The following SAMD12 variants were observed in gnomAD, a reference collection of about 807,000 sequenced individuals.
The protein encoded by SAMD12 is sterile alpha motif domain-containing protein 12.
A neutral mutation model predicts 15.0 loss-of-function variants in SAMD12; 9 were observed. The ratio of observed to expected loss-of-function variants is 0.60; its 90% CI spans 0.36 to 1.05. The LOEUF is 1.05. Ranked by LOEUF, SAMD12 falls within the 50% of genes least tolerant of loss-of-function variation. The pLI is 0.01. For synonymous variants in SAMD12, 86 were observed against 90.1 expected, an observed-to-expected ratio of 0.96 and a Z score of 0.25; for missense variants, 230 against 234.2, an observed-to-expected ratio of 0.98 and a Z score of 0.12.
intron 4 of SAMD12, among the ~76,000 whole-genome samples, chr8:118,368,814 A>T (rs1818933544): frequency 6.6e-6 from 1 of 152,198 alleles, no homozygotes; most frequent in Admixed American, 6.6e-5. Context: ...GTAAAATTAG[A>T]ACACAACTGA....
At chr8:118,383,376 AG>A (rs968423047) in intron 3 of SAMD12, among the ~76,000 whole-genome samples, 1 of 152,242 alleles carries the variant, frequency 6.6e-6, no homozygotes, top group African/African-American at 2.4e-5. Flanking sequence ...TCTGGGCACC[AG>A]GAAGCTGTTA....
chr8:118,521,435 A>G (rs892947305), intron 2 of SAMD12, among the ~76,000 whole-genome samples: 1 of 152,188 alleles, frequency 6.6e-6, no homozygotes, highest in Non-Finnish European at 1.5e-5. Flanking sequence ...AGGAGGGTAC[A>G]TTTGAAATCA....
chr8:118,333,359 C>T (rs1816893851), intron 4 of SAMD12, among the ~76,000 whole-genome samples: 1 of 152,084 alleles, frequency 6.6e-6, no homozygotes, highest in African/African-American at 2.4e-5. Context: ...CATCTACTTC[C>T]TACACCAAGT....
intron 2 of SAMD12, among the ~76,000 whole-genome samples, chr8:118,490,109 TAA>T (rs1265764809): frequency 6.6e-6 from 1 of 152,180 alleles, no homozygotes; most frequent in Non-Finnish European, 1.5e-5. Context: ...TTCAAAAAAA[TAA>T]GAGTCTGCTA....
chr8:118,219,907 T>C (rs116343359), intron 4 of SAMD12, among the ~76,000 whole-genome samples: 74 of 152,356 alleles, frequency 4.9e-4, no homozygotes, highest in African/African-American at 1.7e-3. Context: ...TGAGATATAA[T>C]AAAACAGTTG....
At position 118,593,627 on chromosome 8, in the gene SAMD12, T is replaced by C. The variant is rs1275832616; in HGVS notation, c.14-12734A>G. On this transcript the variant is annotated intron_variant, in intron 1 of 3. Transcript: ENST00000314727. ...TAAATATTTCGATTATCACATAAAG[T>C]CCTATTGAATAGTGCAAGTTTGAAA... 4.6e-5 allele frequency among the ~76,000 whole-genome samples: 7 copies of C among 152,234 alleles called. No individual in the cohort carries two copies. In the East Asian group the frequency reaches 1.3e-3, roughly 29 times the overall value.
chr8:118,570,745 T>G (rs968516600), intron 2 of SAMD12, among the ~76,000 whole-genome samples: 2 of 152,174 alleles, frequency 1.3e-5, no homozygotes, highest in South Asian at 4.1e-4. Context: ...CCGGGTCATA[T>G]GGTTTGGCTG....
chr8:118,424,695 T>C (rs143111023), intron 3 of SAMD12, among the ~76,000 whole-genome samples: 181 of 152,286 alleles, frequency 1.2e-3, no homozygotes, highest in Admixed American at 2.0e-3. Flanking sequence ...TAGTTGTGTT[T>C]TACTGAAACA....
At chr8:118,536,443 A>AACACACACACACACACACACAC (rs1165508519) in intron 2 of SAMD12, among the ~76,000 whole-genome samples, 1 of 140,778 alleles carries the variant, frequency 7.1e-6, no homozygotes, top group Non-Finnish European at 1.5e-5. Context: ...CTGATACACA[A>AACACACACACACACACACACAC]ACACACACAC....
chr8:118,314,471 G>C (rs1815782000), intron 4 of SAMD12, among the ~76,000 whole-genome samples: 1 of 151,990 alleles, frequency 6.6e-6, no homozygotes, highest in Admixed American at 6.6e-5. Flanking sequence ...ATGTGGCTTT[G>C]TGTAACAAAG....
chr8:118,330,684 A>G (rs1314144139), intron 4 of SAMD12, among the ~76,000 whole-genome samples: 1 of 152,218 alleles, frequency 6.6e-6, no homozygotes, highest in East Asian at 1.9e-4. Flanking sequence ...TTAAAAAAGG[A>G]ATATAAGTAA....
At chr8:118,340,994 C>T (rs1817336397) in intron 4 of SAMD12, among the ~76,000 whole-genome samples, 2 of 152,128 alleles carry the variant, frequency 1.3e-5, no homozygotes, top group Admixed American at 1.3e-4. Flanking sequence ...ACTTTGTTCA[C>T]ACTTTTGTGG....
At chr8:118,467,533 C>A (rs1020533198) in intron 2 of SAMD12, among the ~76,000 whole-genome samples, 1 of 152,164 alleles carries the variant, frequency 6.6e-6, no homozygotes, top group Non-Finnish European at 1.5e-5. Flanking sequence ...TTGTGCACCC[C>A]TGCAGAACAT....
chr8:118,492,122 C>CTTTTTTTTTTTTTTTTTTTTTTTT (rs543720456), intron 2 of SAMD12, among the ~76,000 whole-genome samples: 1 of 132,152 alleles, frequency 7.6e-6, no homozygotes, highest in Non-Finnish European at 1.6e-5. Flanking sequence ...CTGGTGTTGC[C>CTTTTTTTTTTTTTTTTTTTTTTTT]TTTTTTTTTT....
chr8:118,518,237 A>G (rs1002331075), intron 2 of SAMD12, among the ~76,000 whole-genome samples: 1 of 152,160 alleles, frequency 6.6e-6, no homozygotes, highest in African/African-American at 2.4e-5. Flanking sequence ...TGGGTTTCCT[A>G]TATGATTGAG....
At chr8:118,344,076 C>T (rs528217538) in intron 4 of SAMD12, among the ~76,000 whole-genome samples, 60 of 152,276 alleles carry the variant, frequency 3.9e-4, no homozygotes, top group African/African-American at 1.2e-3. Flanking sequence ...ATGAAGCAAG[C>T]GAGGGACAGC....
chr8:118,275,278 A>G (rs1813446601), intron 4 of SAMD12, among the ~76,000 whole-genome samples: 1 of 152,150 alleles, frequency 6.6e-6, no homozygotes, highest in Non-Finnish European at 1.5e-5. Flanking sequence ...GTTTTCAGGG[A>G]TAACCCCAAA....
intron 3 of SAMD12, chr8:118,394,737 G>C (rs1288843891): frequency 6.6e-6 from 1 of 152,258 alleles, no homozygotes; most frequent in Non-Finnish European, 1.5e-5. Flanking sequence ...TGTGGAACTT[G>C]AGACATAGTT....
downstream of SAMD12, among the ~76,000 whole-genome samples, chr8:118,186,524 T>C (rs1425792515): frequency 1.3e-5 from 2 of 149,410 alleles, no homozygotes; most frequent in Admixed American, 1.3e-4. Flanking sequence ...AAACCATCAA[T>C]GGCAATCAAA....
Sources: allele counts gnomAD v4.1 joint callset (sites outside exome capture counted in the v4.1 genomes callset), GRCh38; gene constraint gnomAD v4.1.1; transcripts MANE v1.5; gene names NCBI Gene and HGNC (gene_info 2026-07-23, HGNC 2026-07-21).